FRMD3: variants seen among roughly 807,000 people sequenced by gnomAD.
The protein encoded by FRMD3 is FERM domain containing 3.
Under a neutral mutation model 70.2 loss-of-function variants are expected in FRMD3, and 33 were observed. That is an observed-to-expected ratio of 0.47 (90% confidence interval 0.36 to 0.63). FRMD3 has a LOEUF of 0.63. FRMD3 is among the 20% of genes least tolerant of loss of function. The probability of loss-of-function intolerance (pLI) is 0.00; values close to 1 mark genes in which losing one functional copy is unlikely to be tolerated. For missense variants in FRMD3, 632 were observed against 711.4 expected (o/e 0.89, Z 1.27); for synonymous variants, 279 against 255.9 (o/e 1.09, Z -0.86).
At chr9:83,359,543 G>A (rs529575972) in intron 3 of FRMD3, among the ~76,000 whole-genome samples, 18 of 152,160 alleles carry the variant, frequency 1.2e-4, no homozygotes, top group Admixed American at 2.0e-4. Context: ...TGGAAGGCTC[G>A]AGTTTTCTGT....
chr9:83,476,381 CT>C (rs1564095108), intron 1 of FRMD3, among the ~76,000 whole-genome samples: 1 of 109,254 alleles, frequency 9.2e-6, no homozygotes, highest in African/African-American at 3.5e-5. Context: ...AAGACTCTCT[CT>C]CAAAAAAAAA....
At chr9:83,417,985 G>A (rs1826505093) in intron 1 of FRMD3, among the ~76,000 whole-genome samples, 1 of 152,046 alleles carries the variant, frequency 6.6e-6, no homozygotes, top group South Asian at 2.1e-4. Flanking sequence ...GACATGGGGA[G>A]AAACTAGGTT....
intron 2 of FRMD3, among the ~76,000 whole-genome samples, chr9:83,376,444 G>A (rs1207468207): frequency 6.6e-6 from 1 of 151,958 alleles, no homozygotes; most frequent in African/African-American, 2.4e-5. Context: ...GCATATTGTG[G>A]GATACAAAAA....
chr9:83,403,170 C>T (rs951170645), intron 1 of FRMD3, among the ~76,000 whole-genome samples: 3 of 152,088 alleles, frequency 2.0e-5, no homozygotes, highest in African/African-American at 7.2e-5. Flanking sequence ...TCCCAAAGTG[C>T]TGGACTTACA....
At chr9:83,458,408 A>G (rs1416326833) in intron 1 of FRMD3, among the ~76,000 whole-genome samples, 1 of 152,234 alleles carries the variant, frequency 6.6e-6, no homozygotes, top group Non-Finnish European at 1.5e-5. Context: ...ATCACATACC[A>G]TGACTGAGAG....
At chr9:83,538,478 G>A (rs1016761499), upstream of FRMD3, 36 of 341,532 alleles carry the variant, frequency 1.1e-4, no homozygotes, top group African/African-American at 6.2e-4. The surrounding 1 kb of genome is among the most constrained non-coding windows in gnomAD (Gnocchi z 4.7). Flanking sequence ...GCGCGCGCTC[G>A]TGCGCCTCCC....
intron 13 of FRMD3, chr9:83,266,996 A>T: frequency 7.1e-6 from 11 of 1,549,662 alleles, no homozygotes; most frequent in Non-Finnish European, 9.6e-6. Flanking sequence ...ATGACAGCCC[A>T]GGGCACCACA....
At chr9:83,424,765 C>T (rs1826754818) in intron 1 of FRMD3, among the ~76,000 whole-genome samples, 1 of 152,188 alleles carries the variant, frequency 6.6e-6, no homozygotes, top group Admixed American at 6.5e-5. Flanking sequence ...CTGTGATGTA[C>T]ATAACCTAAC....
chr9:83,576,899 G>T, the FRMD3 span, among the ~76,000 whole-genome samples: 39 of 152,138 alleles, frequency 2.6e-4, no homozygotes, highest in Middle Eastern at 6.8e-3. Context: ...GTTCAGCAAG[G>T]TTGCCAGCTT....
intron 13 of FRMD3, among the ~76,000 whole-genome samples, chr9:83,266,023 C>A (rs1029659424): frequency 2.0e-5 from 3 of 151,888 alleles, no homozygotes; most frequent in African/African-American, 7.3e-5. Context: ...TATTATCCAG[C>A]CATTTATAAA....
At chr9:83,512,958 G>T (rs561821173) in intron 1 of FRMD3, among the ~76,000 whole-genome samples, 1 of 152,200 alleles carries the variant, frequency 6.6e-6, no homozygotes, top group South Asian at 2.1e-4. Flanking sequence ...TGTGAAGCAG[G>T]GAAATAAAAT....
intron 12 of FRMD3, among the ~76,000 whole-genome samples, chr9:83,294,373 A>G (rs1363603539): frequency 5.3e-5 from 8 of 152,196 alleles, no homozygotes; most frequent in African/African-American, 1.4e-4. Context: ...TAGCAACCCA[A>G]CTGGACTAAT....
At chr9:83,572,902 T>C in the FRMD3 span, among the ~76,000 whole-genome samples, 1 of 152,340 alleles carries the variant, frequency 6.6e-6, no homozygotes, top group South Asian at 2.1e-4. Context: ...TCTTTTCCTG[T>C]TATTGAAGCA....
At chr9:83,262,659 C>G (rs1833040759) in intron 13 of FRMD3, among the ~76,000 whole-genome samples, 1 of 152,180 alleles carries the variant, frequency 6.6e-6, no homozygotes, top group Non-Finnish European at 1.5e-5. Flanking sequence ...CCCTGCCCAC[C>G]TATTGAGGGG....
chr9:83,472,135 A>T (rs779508222), intron 1 of FRMD3, among the ~76,000 whole-genome samples: 3 of 152,110 alleles, frequency 2.0e-5, no homozygotes, highest in Admixed American at 6.6e-5. Flanking sequence ...CCCAGAACTC[A>T]CCGCTCAGAT....
chr9:83,464,269 C>G (rs1587879190), intron 1 of FRMD3, among the ~76,000 whole-genome samples: 1 of 152,284 alleles, frequency 6.6e-6, no homozygotes, highest in East Asian at 1.9e-4. Flanking sequence ...GTGTCCTGAT[C>G]AAACAGGACT....
rs116368510 is a variant in FRMD3 at position 83,477,601 on chromosome 9, G to A, written c.147+60484C>T. On this transcript the variant is annotated intron_variant, in intron 1 of 13. Coordinates refer to ENST00000304195, the MANE Select transcript of FRMD3 (RefSeq NM_174938.6). ...ACCAGCTCCTGCAATCACCAAGGCCGTCCCAAATCAAGGTTCTATTACTAC... is the reference window on the plus strand; with the variant it reads ...ACCAGCTCCTGCAATCACCAAGGCCATCCCAAATCAAGGTTCTATTACTAC... Among the ~76,000 whole-genome samples, 1,518 of 152,196 alleles carry A rather than the reference G, an allele frequency of 1.0e-2. 32 individuals are homozygous for A. Among genetic ancestry groups the A allele is most frequent in the African/African-American group, 0.035 (1,442 of 41,532 alleles).
intron 2 of FRMD3, among the ~76,000 whole-genome samples, chr9:83,375,112 C>T: frequency 6.6e-6 from 1 of 152,080 alleles, no homozygotes; most frequent in Middle Eastern, 3.4e-3. Context: ...TGTGTGCCCA[C>T]ACCAGGGCTG....
At chr9:83,503,279 A>T (rs557399327) in intron 1 of FRMD3, among the ~76,000 whole-genome samples, 1 of 152,230 alleles carries the variant, frequency 6.6e-6, no homozygotes, top group Non-Finnish European at 1.5e-5. Context: ...CCTTAAAAGC[A>T]GAGAGCTTTC....
Sources: allele counts gnomAD v4.1 joint callset (sites outside exome capture counted in the v4.1 genomes callset), GRCh38; gene constraint gnomAD v4.1.1; non-coding constraint Gnocchi (gnomAD v3.1); transcripts MANE v1.5; gene names NCBI Gene and HGNC (gene_info 2026-07-23, HGNC 2026-07-21).